Variants in CAMKK1 observed in about 807,000 individuals in gnomAD.
CAMKK1 encodes calcium/calmodulin-dependent protein kinase kinase 1.
A neutral mutation model predicts 63.5 loss-of-function variants in CAMKK1; 20 were observed. That is an observed-to-expected ratio of 0.32 (90% CI 0.22 to 0.46). CAMKK1 has a LOEUF of 0.46. Among genes scored for constraint, CAMKK1 ranks in the 20% least tolerant of loss-of-function variants. The probability of loss-of-function intolerance (pLI) is 1.00; values close to 1 mark genes in which losing one functional copy is unlikely to be tolerated. For missense variants in CAMKK1, 588 were observed against 658.1 expected, an observed-to-expected ratio of 0.89 and a Z score of 1.17; for synonymous variants, 253 against 269.0, an observed-to-expected ratio of 0.94 and a Z score of 0.58.
rs79446563 is a variant in CAMKK1 at position 3,881,588 on chromosome 17, G to A, written c.707+39C>T. 922 of 1,558,656 alleles carry A rather than the reference G, an allele frequency of 5.9e-4. 7 individuals are homozygous for A. In the East Asian group the frequency reaches 0.017, roughly 29 times the overall value. The stretch of plus-strand genomic sequence containing the variant: ...AGGGAGGGAAAGGAAGGAAGGCCTG[G>A]ATGAGAATTGACCTGCCTGATCAGG... On this transcript the variant is annotated intron_variant, in intron 8 of 15. Coordinates refer to ENST00000348335, the MANE Select transcript of CAMKK1 (RefSeq NM_032294.3).
intron 10 of CAMKK1, among the ~76,000 whole-genome samples, chr17:3,874,242 A>G (rs1004165508): frequency 6.6e-6 from 1 of 152,156 alleles, no homozygotes; most frequent in African/African-American, 2.4e-5. Flanking sequence ...CTTCCAGATG[A>G]AAGGATACCA....
intron 10 of CAMKK1, among the ~76,000 whole-genome samples, chr17:3,874,873 G>A (rs1270756770): frequency 2.6e-5 from 4 of 151,294 alleles, no homozygotes; most frequent in Non-Finnish European, 5.9e-5. Context: ...TGTAATCCCA[G>A]CACTTTGGGA....
At chr17:3,871,564 G>T (rs1340983344) in intron 12 of CAMKK1, among the ~76,000 whole-genome samples, 4 of 149,692 alleles carry the variant, frequency 2.7e-5, no homozygotes, top group Non-Finnish European at 5.9e-5. Flanking sequence ...CACCGTGTTA[G>T]CCAGGATGGT....
chr17:3,885,384 G>T lies in CAMKK1; in HGVS notation c.304C>A (p.Arg102=). ...ATGPASHISP[R]AWRRPTIESH... ...TCGATGGTGGGCCTCCGCCAGGCCC[G>T]GGGGGAGATGTGGCTGGCAGGCCCC... The change falls in exon 2 of 16, where the codon CGG becomes AGG. Residue 102 remains arginine (R), a synonymous_variant. Coordinates refer to ENST00000348335, the MANE Select transcript of CAMKK1 (RefSeq NM_032294.3). 1 of 1,610,398 alleles carries T rather than the reference G, an allele frequency of 6.2e-7. No homozygotes were observed.
chr17:3,872,188 C>T (rs893268693), intron 12 of CAMKK1, among the ~76,000 whole-genome samples: 8 of 152,248 alleles, frequency 5.3e-5, no homozygotes, highest in African/African-American at 1.9e-4. Flanking sequence ...GGAGCACGCA[C>T]TGGCATCTTG....
chr17:3,868,039 T>C (rs1004526807), intron 14 of CAMKK1, among the ~76,000 whole-genome samples: 1 of 115,886 alleles, frequency 8.6e-6, no homozygotes, highest in African/African-American at 4.0e-5. Context: ...GCCGTCTAAC[T>C]GATACACAGG....
At chr17:3,873,593 C>A (rs559832181) in intron 10 of CAMKK1, 131 bp from the exon 11 acceptor site, 1 of 880,206 alleles carries the variant, frequency 1.1e-6, no homozygotes, top group Non-Finnish European at 1.8e-6. Context: ...ACAAACACTC[C>A]GCGGTACTTG....
chr17:3,877,475 T>C (rs1368220469), intron 9 of CAMKK1, among the ~76,000 whole-genome samples: 3 of 151,950 alleles, frequency 2.0e-5, no homozygotes, highest in Non-Finnish European at 4.4e-5. Flanking sequence ...AGAGAGACAA[T>C]GACCCCACTG....
rs200222928 is a variant in CAMKK1, at chr17:3,884,473, G to C, written c.361-46C>G. On this transcript the variant is annotated intron_variant, in intron 2 of 15. Coordinates refer to ENST00000348335, the MANE Select transcript of CAMKK1 (RefSeq NM_032294.3). This position sits in a 1 kb window ranked among gnomAD's most constrained non-coding sequence, Gnocchi z 4.5. ...CCAGGTGGAGCTGGGTCCGGAGGCA[G>C]CACTGCTCCTACCTCAGAGCCCGTT... 227 of 1,581,986 alleles carry C rather than the reference G, an allele frequency of 1.4e-4. 1 individual carries two copies. In the African/African-American group the frequency reaches 2.3e-3, roughly 16 times the overall value.
At position 3,890,853 on chromosome 17, in the gene CAMKK1, C is replaced by G; in HGVS notation, c.-44+2086G>C. 1.3e-6 allele frequency: 1 copy of G among 752,306 alleles called. No individual in the cohort carries two copies. Among genetic ancestry groups the G allele is most frequent in the Non-Finnish European group, 2.5e-6 (1 of 402,212 alleles). 46.6% of individuals were successfully genotyped at this position (752,306 alleles called of 1,614,324 possible). On this transcript the variant is annotated intron_variant, in intron 1 of 15. Coordinates refer to ENST00000348335, the MANE Select transcript of CAMKK1 (RefSeq NM_032294.3). The surrounding 1 kb of genome is among the most constrained non-coding windows in gnomAD (Gnocchi z 6.5). The stretch of plus-strand genomic sequence containing the variant: ...TCTTCTGAGCCCTCCTTGATCTCCC[C>G]ACTACCTGCTGGGTGAGCTCACCAA...
In CAMKK1 at chr17:3,866,086, A is replaced by G. The variant is rs540661743; in HGVS notation, c.1342-75T>C. On this transcript the variant is annotated intron_variant, in intron 14 of 15. Transcript: ENST00000348335. ...ACGCAGCCTCTGCTCCGATTCCCCG[A>G]GAGCAGCTGCCAAGGGGGCCGCAGT... The G allele has an allele frequency of 1.4e-3, 2,198 of 1,548,780 alleles. 6 individuals carry two copies. The highest frequency in any genetic ancestry group is 1.7e-3 in the Non-Finnish European group (1,923 of 1,140,152).
Position 3,873,482 on chromosome 17 carries a change from C to T in CAMKK1, c.997-20G>A. 1 of 1,613,872 alleles carries T rather than the reference C, an allele frequency of 6.2e-7. No individual in the cohort carries two copies. The highest frequency in any genetic ancestry group is 8.5e-7 in the Non-Finnish European group (1 of 1,179,808). On this transcript the variant is annotated intron_variant, in intron 10 of 15. Transcript: ENST00000348335. ...CAAGGCCTGGAAAGAAACATGCTCA[C>T]ATCAGTCCCCAACAGGCACAGCCAC...
Position 3,862,357 on chromosome 17 carries a change from C to T in CAMKK1, c.1446-74G>A. 8.3e-7 allele frequency: 1 copy of T among 1,207,352 alleles called. No homozygotes were observed. Among genetic ancestry groups the T allele is most frequent in the African/African-American group, 1.5e-5 (1 of 66,438 alleles). The allele number at this position is 1,207,352 out of a possible 1,614,324, so 74.8% of individuals were successfully genotyped here. ...ACTCAGGGAGACACTCTCCCTCACA[C>T]ACACAGGAATCTGAATCCCACATCT... On this transcript the variant is annotated intron_variant, in intron 15 of 15. Coordinates refer to ENST00000348335, the MANE Select transcript of CAMKK1 (RefSeq NM_032294.3). The surrounding 1 kb of genome is among the most constrained non-coding windows in gnomAD (Gnocchi z 4.1).
chr17:3,874,382 T>C (rs935693880), intron 10 of CAMKK1, among the ~76,000 whole-genome samples: 1 of 152,136 alleles, frequency 6.6e-6, no homozygotes, highest in African/African-American at 2.4e-5. Context: ...TGTATGTCTT[T>C]TTTTTTTCAG....
Position 3,883,069 on chromosome 17 carries a change from G to A in CAMKK1, c.621C>T (p.Asp207=), listed in dbSNP as rs2055485923. ...YQEIAILKKL[D]HVNVVKLIEV... is the part of the protein sequence containing the mutation. Reference sequence around the variant, plus strand: ...CGATCAGTTTGACCACATTCACGTGGTCCAGCTTCTTCAGGATGGCAATCT... The same window carrying A: ...CGATCAGTTTGACCACATTCACGTGATCCAGCTTCTTCAGGATGGCAATCT... The change falls in exon 6 of 16, where the codon GAC becomes GAT. Residue 207 remains aspartate (D), a synonymous_variant. Coordinates refer to ENST00000348335, the MANE Select transcript of CAMKK1 (RefSeq NM_032294.3). The surrounding 1 kb of genome is among the most constrained non-coding windows in gnomAD (Gnocchi z 4.7). The A allele has an allele frequency of 2.5e-6, 4 of 1,613,796 alleles. No individual in the cohort carries two copies. Among genetic ancestry groups the A allele is most frequent in the Admixed American group, 1.7e-5 (1 of 59,984 alleles).
chr17:3,880,160 C>T (rs1195902565), intron 9 of CAMKK1, 186 bp downstream of exon 9: 4 of 601,640 alleles, frequency 6.6e-6, no homozygotes, highest in Non-Finnish European at 1.2e-5. Context: ...CAGTGGAGTC[C>T]ACCGCCCGCC....
Position 3,862,130 on chromosome 17 carries a change from G to T in CAMKK1, c.*81C>A. 1 of 1,178,658 alleles carries T rather than the reference G, an allele frequency of 8.5e-7. No homozygotes were observed. Among genetic ancestry groups the T allele is most frequent in the Non-Finnish European group, 1.2e-6 (1 of 821,012 alleles). The allele number at this position is 1,178,658 out of a possible 1,614,324, so 73.0% of individuals were successfully genotyped here. A position where few individuals can be genotyped will look rare whatever the true frequency, so the allele number is the denominator to read the frequency against. ...GCAGTCCCCAGCCCCCTGCCTGCGG[G>T]GGCGGCTGTTGCATGAGGGGTGGGC... On this transcript the variant is annotated 3_prime_UTR_variant, in exon 16 of 16. Transcript: ENST00000348335. The surrounding 1 kb of genome is among the most constrained non-coding windows in gnomAD (Gnocchi z 4.1).
chr17:3,881,036 C>T (rs953892210), intron 8 of CAMKK1, among the ~76,000 whole-genome samples: 1 of 152,246 alleles, frequency 6.6e-6, no homozygotes, highest in African/African-American at 2.4e-5. Flanking sequence ...AGGCTGCATT[C>T]AAGCCTTGGC....
intron 14 of CAMKK1, among the ~76,000 whole-genome samples, chr17:3,868,108 C>T (rs1742444806): frequency 2.8e-5 from 2 of 72,534 alleles, no homozygotes; most frequent in Non-Finnish European, 5.0e-5. Flanking sequence ...GAGAAGCAGG[C>T]GCCGTCTAAC....
Sources: allele counts gnomAD v4.1 joint callset (sites outside exome capture counted in the v4.1 genomes callset), GRCh38; gene constraint gnomAD v4.1.1; non-coding constraint Gnocchi (gnomAD v3.1); transcripts MANE v1.5; gene names NCBI Gene and HGNC (gene_info 2026-07-23, HGNC 2026-07-21).